Variants in KIRREL3 observed in about 807,000 individuals in gnomAD.
The protein encoded by KIRREL3 is kirre like nephrin family adhesion molecule 3, also known as kin of IRRE-like protein 3.
Under a neutral mutation model 89.7 loss-of-function variants are expected in KIRREL3, and 36 were observed. That is an observed-to-expected ratio of 0.40 (90% confidence interval 0.31 to 0.53). The LOEUF (loss-of-function observed/expected upper bound fraction) is 0.53, where lower values mean the gene tolerates loss of function less well. Among genes scored for constraint, KIRREL3 ranks in the 20% least tolerant of loss-of-function variants. The pLI is 0.49. For synonymous variants in KIRREL3, 445 were observed against 441.4 expected (o/e 1.01, Z -0.10); for missense variants, 864 against 1,056.6 (o/e 0.82, Z 2.53).
chr11:126,902,368 C>T (rs934433641), intron 1 of KIRREL3, among the ~76,000 whole-genome samples: 1 of 152,170 alleles, frequency 6.6e-6, no homozygotes, highest in Non-Finnish European at 1.5e-5. Flanking sequence ...ACATTTATTC[C>T]AATTCTTTGG....
In KIRREL3 at chr11:126,892,774, G is replaced by C. The variant is rs1945975691; in HGVS notation, c.55+107681C>G. 6.6e-6 allele frequency among the ~76,000 whole-genome samples: 1 copy of C among 152,168 alleles called. No individual in the cohort carries two copies. The highest frequency in any genetic ancestry group is 2.1e-4 in the South Asian group (1 of 4,824). ...CCATGACAGCCTCCAGATAGGAGAAGGGTCTGGCTTCATTGACATTTCCAC... is the reference window on the plus strand; with the variant it reads ...CCATGACAGCCTCCAGATAGGAGAACGGTCTGGCTTCATTGACATTTCCAC... On this transcript the variant is annotated intron_variant, in intron 1 of 16. Transcript: ENST00000525144. The surrounding 1 kb of genome is among the most constrained non-coding windows in gnomAD (Gnocchi z 5.4).
In KIRREL3 at chr11:126,870,077, A is replaced by G. The variant is rs572479064; in HGVS notation, c.55+130378T>C. Among the ~76,000 whole-genome samples, 8 of 152,284 alleles carry G rather than the reference A, an allele frequency of 5.3e-5. No homozygotes were observed. The East Asian group carries it at 1.5e-3, about 29-fold the overall frequency. On this transcript the variant is annotated intron_variant, in intron 1 of 16. Transcript: ENST00000525144. This position sits in a 1 kb window ranked among gnomAD's most constrained non-coding sequence, Gnocchi z 4.4. ...TGAGTAAAGTTCATTGGGCCCATGTACAGCTGGCACTTCCTTTGAATCAGG... is the reference window on the plus strand; with the variant it reads ...TGAGTAAAGTTCATTGGGCCCATGTGCAGCTGGCACTTCCTTTGAATCAGG...
chr11:126,430,141 A>T lies in KIRREL3; in HGVS notation c.1697-853T>A, dbSNP rs1035635573. Among the ~76,000 whole-genome samples the T allele has an allele frequency of 6.6e-6, 1 of 151,030 alleles. No individual in the cohort carries two copies. The highest frequency in any genetic ancestry group is 2.4e-5 in the African/African-American group (1 of 40,934). ...CAACAGGATGAGACTCTGTCTCAAAAAAAAAAAAGGAAATTCTTGAGGAGC... is the reference window on the plus strand; with the variant it reads ...CAACAGGATGAGACTCTGTCTCAAATAAAAAAAAGGAAATTCTTGAGGAGC... On this transcript the variant is annotated intron_variant, in intron 14 of 16. Transcript: ENST00000525144. This position sits in a 1 kb window ranked among gnomAD's most constrained non-coding sequence, Gnocchi z 6.6.
chr11:126,980,782 A>C (rs1320580036), intron 1 of KIRREL3, among the ~76,000 whole-genome samples: 1 of 152,174 alleles, frequency 6.6e-6, no homozygotes, highest in Non-Finnish European at 1.5e-5. Flanking sequence ...GGAGAAAATA[A>C]TGAGTTTAGT....
intron 1 of KIRREL3, among the ~76,000 whole-genome samples, chr11:126,963,326 CACACACACAG>C (rs1165931616): frequency 5.5e-4 from 83 of 151,418 alleles, no homozygotes; most frequent in East Asian, 5.1e-3. Context: ...CACACACACA[CACACACACAG>C]ACACACACAC....
At chr11:126,818,647 G>A (rs1021308997) in intron 1 of KIRREL3, among the ~76,000 whole-genome samples, 1 of 152,048 alleles carries the variant, frequency 6.6e-6, no homozygotes, top group Non-Finnish European at 1.5e-5. Flanking sequence ...GTGTGTGTGT[G>A]TGTGTGTGTT....
rs1944447392 is a variant in KIRREL3, at chr11:126,640,997, CTTGCAA to C, written c.56-78091_56-78086del. On this transcript the variant is annotated intron_variant, in intron 1 of 16. Transcript: ENST00000525144. This position sits in a 1 kb window ranked among gnomAD's most constrained non-coding sequence, Gnocchi z 4.9. ...TCCAATTGCCTAGTTCTCCCCTCCACTTGCAATGTGTAACAGGCATCTCAAATTTCA... is the reference window on the plus strand; with the variant it reads ...TCCAATTGCCTAGTTCTCCCCTCCACTGTGTAACAGGCATCTCAAATTTCA... Among the ~76,000 whole-genome samples, 1 of 152,186 alleles carries C rather than the reference CTTGCAA, an allele frequency of 6.6e-6. No homozygotes were observed. The highest frequency in any genetic ancestry group is 1.5e-5 in the Non-Finnish European group (1 of 68,040).
At chr11:126,621,154 T>G (rs2134838917) in intron 1 of KIRREL3, among the ~76,000 whole-genome samples, 1 of 152,362 alleles carries the variant, frequency 6.6e-6, no homozygotes, top group Middle Eastern at 3.4e-3. Flanking sequence ...GATGTACGTG[T>G]TAATTACTGC....
intron 1 of KIRREL3, among the ~76,000 whole-genome samples, chr11:126,894,507 G>A (rs951609099): frequency 1.2e-4 from 14 of 114,684 alleles, no homozygotes; most frequent in Admixed American, 2.5e-4. Flanking sequence ...CCAGGAGTTC[G>A]AGACCAGCCT....
Position 126,486,489 on chromosome 11 carries a change from C to A in KIRREL3, c.434-13023G>T, listed in dbSNP as rs1300148283. Among the ~76,000 whole-genome samples, 3 of 152,240 alleles carry A rather than the reference C, an allele frequency of 2.0e-5. No homozygotes were observed. The highest frequency in any genetic ancestry group is 2.9e-5 in the Non-Finnish European group (2 of 68,044). On this transcript the variant is annotated intron_variant, in intron 4 of 16. Transcript: ENST00000525144. This position sits in a 1 kb window ranked among gnomAD's most constrained non-coding sequence, Gnocchi z 6.2. ...TTCTTAGGTGTGTTTGCAGGAATAACCGGCACATGCCCCCTTGCAGCCGCT... is the reference window on the plus strand; with the variant it reads ...TTCTTAGGTGTGTTTGCAGGAATAAACGGCACATGCCCCCTTGCAGCCGCT...
chr11:126,534,538 A>G (rs570599061), intron 2 of KIRREL3, among the ~76,000 whole-genome samples: 2 of 152,178 alleles, frequency 1.3e-5, no homozygotes, highest in Non-Finnish European at 2.9e-5. Flanking sequence ...TTCTGAGACA[A>G]AGCCCTTTGT....
At position 126,455,809 on chromosome 11, in the gene KIRREL3, G is replaced by GAAAC. The variant is rs936246612; in HGVS notation, c.848+536_848+539dup. On this transcript the variant is annotated intron_variant, in intron 7 of 16. Transcript: ENST00000525144. The surrounding 1 kb of genome is among the most constrained non-coding windows in gnomAD (Gnocchi z 6.4). Reference sequence around the variant, plus strand: ...GAGACTCTGTCTCAAAACAAACAAAGAAACAAACAAACAAACAAACCAACA... The same window carrying GAAAC: ...GAGACTCTGTCTCAAAACAAACAAAGAAACAAACAAACAAACAAACAAACCAACA... 4.6e-5 allele frequency among the ~76,000 whole-genome samples: 7 copies of GAAAC among 151,806 alleles called. No individual in the cohort carries two copies. The highest frequency in any genetic ancestry group is 2.1e-4 in the South Asian group (1 of 4,810).
rs79125410 is a variant in KIRREL3, at chr11:126,564,657, C to T, written c.56-1745G>A. 0.026 allele frequency among the ~76,000 whole-genome samples: 4,009 copies of T among 152,278 alleles called. 171 individuals are homozygous for T. Among genetic ancestry groups the T allele is most frequent in the African/African-American group, 0.089 (3,703 of 41,550 alleles). On this transcript the variant is annotated intron_variant, in intron 1 of 16. Coordinates refer to ENST00000525144, the MANE Select transcript of KIRREL3 (RefSeq NM_032531.4). The surrounding 1 kb of genome is among the most constrained non-coding windows in gnomAD (Gnocchi z 7.4). ...TAAGTTCCCTCATTCAAGGCCTTGG[C>T]CCTTTCTTCAGGGGCTCCTGCTCTG...
At position 126,536,375 on chromosome 11, in the gene KIRREL3, C is replaced by T. The variant is rs548763785; in HGVS notation, c.134-9688G>A. ...GTTGCTTACTCCTCCCTGCCACCCA[C>T]AACTGCCAACCCTAAATCTTCTAGG... On this transcript the variant is annotated intron_variant, in intron 2 of 16. Transcript: ENST00000525144. Among the ~76,000 whole-genome samples, 7 of 152,296 alleles carry T rather than the reference C, an allele frequency of 4.6e-5. No homozygotes were observed. The South Asian group carries it at 1.5e-3, about 32-fold the overall frequency.
In KIRREL3 at chr11:126,507,201, T is replaced by G. The variant is rs558486135; in HGVS notation, c.433+14114A>C. On this transcript the variant is annotated intron_variant, in intron 4 of 16. Transcript: ENST00000525144. The stretch of plus-strand genomic sequence containing the variant: ...AAGCACTGCATTGGTTGCCTGAGAC[T>G]GGGTGGGAGTGAGGATTGACAAGGG... Among the ~76,000 whole-genome samples, 25 of 152,268 alleles carry G rather than the reference T, an allele frequency of 1.6e-4. 1 individual carries two copies. The highest frequency in any genetic ancestry group is 1.2e-3 in the Admixed American group (19 of 15,290).
intron 1 of KIRREL3, among the ~76,000 whole-genome samples, chr11:126,675,394 C>T (rs755331856): frequency 6.6e-6 from 1 of 152,130 alleles, no homozygotes; most frequent in Non-Finnish European, 1.5e-5. Flanking sequence ...TTTTAAAAGC[C>T]CACAACTTTG....
At position 126,570,797 on chromosome 11, in the gene KIRREL3, A is replaced by G. The variant is rs983866029; in HGVS notation, c.56-7885T>C. The stretch of plus-strand genomic sequence containing the variant: ...TATGTCTCAGATCCTGTGTGCCTGC[A>G]GGAAATCTACATGCCCATGTGGTCA... On this transcript the variant is annotated intron_variant, in intron 1 of 16. Transcript: ENST00000525144. The surrounding 1 kb of genome is among the most constrained non-coding windows in gnomAD (Gnocchi z 6.1). 5.9e-5 allele frequency among the ~76,000 whole-genome samples: 9 copies of G among 152,242 alleles called. No homozygotes were observed. The highest frequency in any genetic ancestry group is 2.2e-4 in the African/African-American group (9 of 41,466).
intron 1 of KIRREL3, among the ~76,000 whole-genome samples, chr11:126,841,027 T>C (rs1943947389): frequency 6.6e-6 from 1 of 152,232 alleles, no homozygotes; most frequent in Non-Finnish European, 1.5e-5. Flanking sequence ...ATTGTTATTG[T>C]TCTATTATGT....
rs1449008014 is a variant in KIRREL3, at chr11:126,686,312, T to C, written c.56-123400A>G. 6.6e-6 allele frequency among the ~76,000 whole-genome samples: 1 copy of C among 152,218 alleles called. No individual in the cohort carries two copies. The highest frequency in any genetic ancestry group is 2.4e-5 in the African/African-American group (1 of 41,458). ...CCTTTTTATGGAGGTTAGCATTCTT[T>C]TGTTAGTCCACTCACATATTTTCAC... On this transcript the variant is annotated intron_variant, in intron 1 of 16. Coordinates refer to ENST00000525144, the MANE Select transcript of KIRREL3 (RefSeq NM_032531.4). This position sits in a 1 kb window ranked among gnomAD's most constrained non-coding sequence, Gnocchi z 4.7.
Sources: gnomAD v4.1 joint callset for allele counts (sites outside exome capture counted in the v4.1 genomes callset) on GRCh38, gnomAD v4.1.1 for gene constraint, Gnocchi (gnomAD v3.1) non-coding constraint, MANE v1.5 for transcripts, NCBI Gene and HGNC (gene_info 2026-07-23, HGNC 2026-07-21) for gene names.